Variants in PDZD8 observed in about 807,000 individuals in gnomAD.
The protein encoded by PDZD8 is PDZ domain-containing protein 8.
PDZD8 carries 14 observed loss-of-function variants against 85.8 expected under a neutral mutation model. That is an observed-to-expected ratio of 0.16 (90% CI 0.11 to 0.26). The LOEUF (loss-of-function observed/expected upper bound fraction) is 0.26, where lower values mean the gene tolerates loss of function less well. PDZD8 is among the 10% of genes least tolerant of loss of function. The probability of loss-of-function intolerance (pLI) is 1.00; values close to 1 mark genes in which losing one functional copy is unlikely to be tolerated. For missense variants in PDZD8, 1,197 were observed against 1,424.3 expected, an observed-to-expected ratio of 0.84 and a Z score of 2.57; for synonymous variants, 592 against 568.6, an observed-to-expected ratio of 1.04 and a Z score of -0.59.
intron 1 of PDZD8, among the ~76,000 whole-genome samples, chr10:117,360,562 A>G (rs947682359): frequency 1.3e-5 from 2 of 152,140 alleles, no homozygotes; most frequent in African/African-American, 4.8e-5. Flanking sequence ...CTCACAACTC[A>G]TAACAAGGTA....
chr10:117,288,436 C>T (rs1422536446), intron 4 of PDZD8, among the ~76,000 whole-genome samples: 1 of 151,936 alleles, frequency 6.6e-6, no homozygotes, highest in East Asian at 1.9e-4. Flanking sequence ...AAAAGCTTTT[C>T]TGTTATGTTC....
chr10:117,325,045 G>A (rs1844290722), intron 2 of PDZD8, among the ~76,000 whole-genome samples: 1 of 152,076 alleles, frequency 6.6e-6, no homozygotes. Context: ...AGCTTTGACT[G>A]GAATCTCGTA....
chr10:117,337,540 A>C (rs1844537945), intron 2 of PDZD8, among the ~76,000 whole-genome samples: 1 of 152,238 alleles, frequency 6.6e-6, no homozygotes. Flanking sequence ...GCGAAACAGT[A>C]TTTCAGATAG....
chr10:117,330,540 T>C (rs1018800919), intron 2 of PDZD8, among the ~76,000 whole-genome samples: 2 of 152,034 alleles, frequency 1.3e-5, no homozygotes, highest in Admixed American at 6.6e-5. Context: ...ATCCTTAGAG[T>C]TCCTTTGCCT....
At chr10:117,354,477 C>T (rs1844859022) in intron 1 of PDZD8, among the ~76,000 whole-genome samples, 1 of 152,184 alleles carries the variant, frequency 6.6e-6, no homozygotes. Context: ...TTTGTGATTT[C>T]TCCTACCCAC....
intron 3 of PDZD8, among the ~76,000 whole-genome samples, chr10:117,308,694 T>A (rs144479845): frequency 6.6e-6 from 1 of 152,226 alleles, no homozygotes; most frequent in Non-Finnish European, 1.5e-5. Context: ...ACATCAGCTG[T>A]GGAGTCACAC....
chr10:117,279,097 C>T lies in PDZD8; in HGVS notation c.*4171G>A, dbSNP rs887793890. On this transcript the variant is annotated 3_prime_UTR_variant, in exon 5 of 5. Transcript: ENST00000334464. ...AAAGGTATGCCTGCTGTTGGTCCCTCGGGATAAGATAAAATATAAATAAAA... is the reference window on the plus strand; with the variant it reads ...AAAGGTATGCCTGCTGTTGGTCCCTTGGGATAAGATAAAATATAAATAAAA... 1.3e-5 allele frequency: 2 copies of T among 152,102 alleles called. No homozygotes were observed. Among genetic ancestry groups the T allele is most frequent in the Non-Finnish European group, 2.9e-5 (2 of 68,030 alleles). 9.4% of individuals were successfully genotyped at this position (152,102 alleles called of 1,614,324 possible). A position where few individuals can be genotyped will look rare whatever the true frequency, so the allele number is the denominator to read the frequency against.
rs536039361 is a variant in PDZD8 at position 117,294,029 on chromosome 10, T to C, written c.1099-3681A>G. On this transcript the variant is annotated intron_variant, in intron 3 of 4. Transcript: ENST00000334464. ...TGATGAAAATGCAACCAATCAGAAT[T>C]TGTGGGATGCAACTAAAGTAGTGTT... is the stretch of plus-strand genomic sequence containing the variant. 1.8e-3 allele frequency among the ~76,000 whole-genome samples: 266 copies of C among 151,972 alleles called. 1 individual carries two copies. The highest frequency in any genetic ancestry group is 2.1e-3 in the Non-Finnish European group (145 of 67,956).
intron 3 of PDZD8, among the ~76,000 whole-genome samples, chr10:117,300,053 A>G (rs901317466): frequency 8.6e-5 from 10 of 116,874 alleles, no homozygotes; most frequent in African/African-American, 2.7e-4. Flanking sequence ...AGCACAGGTT[A>G]TATGAGAAAC....
intron 1 of PDZD8, among the ~76,000 whole-genome samples, chr10:117,368,485 T>C (rs1402869399): frequency 2.6e-5 from 4 of 152,192 alleles, no homozygotes; most frequent in African/African-American, 9.7e-5. Context: ...TATTTTCCAA[T>C]GTAATAGAAA....
At chr10:117,302,299 C>A (rs1367377064) in intron 3 of PDZD8, among the ~76,000 whole-genome samples, 4 of 152,204 alleles carry the variant, frequency 2.6e-5, no homozygotes, top group African/African-American at 9.6e-5. Flanking sequence ...GGAGATACCA[C>A]ATTTACTAGG....
chr10:117,314,469 A>C (rs1292402817), intron 3 of PDZD8, among the ~76,000 whole-genome samples: 2 of 152,194 alleles, frequency 1.3e-5, no homozygotes, highest in Admixed American at 6.5e-5. Flanking sequence ...AACACTCAGA[A>C]AGAATATACT....
chr10:117,351,094 C>T (rs550857369), intron 1 of PDZD8, among the ~76,000 whole-genome samples: 14 of 152,032 alleles, frequency 9.2e-5, no homozygotes, highest in Non-Finnish European at 1.9e-4. Flanking sequence ...CTGCTGGTTT[C>T]GACTATTAAA....
At chr10:117,341,230 C>A in intron 1 of PDZD8, 128 bp from the exon 2 acceptor site, 1 of 937,286 alleles carries the variant, frequency 1.1e-6, no homozygotes, top group Non-Finnish European at 1.5e-6. Context: ...TCTACAAAAC[C>A]AAAGCTTACC....
intron 3 of PDZD8, 127 bp from the exon 4 acceptor site, chr10:117,290,475 T>A: frequency 1.7e-6 from 1 of 605,982 alleles, no homozygotes; most frequent in Non-Finnish European, 2.7e-6. Flanking sequence ...TCATGGCAAA[T>A]AAAGGAAGGA....
chr10:117,322,156 C>T (rs907620796), intron 2 of PDZD8, among the ~76,000 whole-genome samples: 2 of 152,136 alleles, frequency 1.3e-5, no homozygotes, highest in African/African-American at 4.8e-5. Context: ...GAGCTCCTTC[C>T]TGTGCTAGAT....
intron 1 of PDZD8, among the ~76,000 whole-genome samples, chr10:117,372,635 T>C (rs1324728020): frequency 6.6e-6 from 1 of 152,214 alleles, no homozygotes; most frequent in Non-Finnish European, 1.5e-5. Context: ...AACCGAGTTA[T>C]AATTTAATCA....
intron 2 of PDZD8, among the ~76,000 whole-genome samples, chr10:117,325,787 T>C (rs1057304479): frequency 6.6e-6 from 1 of 152,170 alleles, no homozygotes; most frequent in African/African-American, 2.4e-5. Context: ...TAGACTGAAC[T>C]GGATCCTGGA....
rs575169878 is a variant in PDZD8 at position 117,324,109 on chromosome 10, T to C, written c.996-5135A>G. Among the ~76,000 whole-genome samples the C allele has an allele frequency of 4.8e-5, 7 of 147,174 alleles. No homozygotes were observed. In the East Asian group the frequency reaches 1.4e-3, roughly 30 times the overall value. ...CAGATGTGGTAGTGCACACCTGTAATCTCAGCCACTCAAGAGGCTGAGAGA... is the reference window on the plus strand; with the variant it reads ...CAGATGTGGTAGTGCACACCTGTAACCTCAGCCACTCAAGAGGCTGAGAGA... On this transcript the variant is annotated intron_variant, in intron 2 of 4. Coordinates refer to ENST00000334464, the MANE Select transcript of PDZD8 (RefSeq NM_173791.5).
Sources: allele counts gnomAD v4.1 joint callset (sites outside exome capture counted in the v4.1 genomes callset), GRCh38; gene constraint gnomAD v4.1.1; transcripts MANE v1.5; gene names NCBI Gene and HGNC (gene_info 2026-07-23, HGNC 2026-07-21).